FAM9B: variants seen among roughly 807,000 people sequenced by gnomAD.
FAM9B encodes family with sequence similarity 9 member B.
In FAM9B, 18 loss-of-function variants were observed where a neutral mutation model predicts 16.6. The ratio of observed to expected loss-of-function variants is 1.09; its 90% CI spans 0.75 to 1.61. FAM9B has a LOEUF of 1.61. Among genes scored for constraint, FAM9B ranks in the 40% most tolerant of loss-of-function variants. The probability of loss-of-function intolerance (pLI) is 0.00; values close to 1 mark genes in which losing one functional copy is unlikely to be tolerated. For missense variants in FAM9B, 155 were observed against 136.0 expected (o/e 1.14, Z -0.70); for synonymous variants, 43 against 42.6 (o/e 1.01, Z -0.03).
chrX:9,028,021 A>C (rs778196478), intron 6 of FAM9B, 55 bp from the exon 7 acceptor site: 623 of 868,183 alleles, frequency 7.2e-4, no homozygotes, highest in Non-Finnish European at 1.0e-3. Context: ...AATACTTACA[A>C]AACATAATTC....
intron 7 of FAM9B, among the ~76,000 whole-genome samples, chrX:9,027,162 G>A (rs1920975130): frequency 8.9e-6 from 1 of 111,848 alleles, no homozygotes; most frequent in African/African-American, 3.2e-5. Flanking sequence ...ATAATCTGCT[G>A]GCTTTCCCAT....
Position 9,032,250 on chromosome X carries a change from C to T in FAM9B, c.150-89G>A. Reference sequence around the variant, plus strand: ...AAAGAAATGTCTTATGTGAAATGTTCTGCATAGAATAGAACAGTGATGACA... The same window carrying T: ...AAAGAAATGTCTTATGTGAAATGTTTTGCATAGAATAGAACAGTGATGACA... On this transcript the variant is annotated intron_variant, in intron 3 of 8. Transcript: ENST00000327220. 3 of 1,196,771 alleles carry T rather than the reference C, an allele frequency of 2.5e-6. No individual in the cohort carries two copies. In the East Asian group the frequency reaches 8.9e-5, roughly 35 times the overall value.
intron 7 of FAM9B, among the ~76,000 whole-genome samples, chrX:9,026,379 G>A (rs1442517399): frequency 9.0e-6 from 1 of 111,148 alleles, no homozygotes; most frequent in Non-Finnish European, 1.9e-5. Flanking sequence ...AGAAGTGGGA[G>A]GAAAGACAGA....
At chrX:9,033,504 T>C (rs1921155656) in intron 1 of FAM9B, 1 of 498,639 alleles carries the variant, frequency 2.0e-6, no homozygotes, top group African/African-American at 2.7e-5. Context: ...ACCCCAAGTG[T>C]CCTGTCCTGT....
Position 9,027,959 on chromosome X carries a change from A to G in FAM9B, c.401T>C (p.Phe134Ser). The change falls in exon 7 of 9, where the codon TTT (phenylalanine) becomes TCT (serine). Residue 134 changes from phenylalanine (F) to serine (S), a missense_variant. Physicochemically the swap from Phe to Ser is radical, Grantham distance 155. Transcript: ENST00000327220. ...EGEEEELIRI[F>S]QEQQKKWQQY... ...TTGCCACTTCTTCTGTTGTTCTTGA[A>G]ATATTCTCTAGAATCCCAAAACAAA... 8.4e-7 allele frequency: 1 copy of G among 1,196,062 alleles called. No homozygotes were observed. The highest frequency in any genetic ancestry group is 1.8e-5 in the South Asian group (1 of 56,147).
rs762439867 is a variant in FAM9B, at chrX:9,027,985, A to T, written c.394-19T>A. 2.7e-5 allele frequency: 30 copies of T among 1,111,188 alleles called. No individual in the cohort carries two copies. The highest frequency in any genetic ancestry group is 3.7e-5 in the Non-Finnish European group (30 of 807,204). The allele number at this position is 1,111,188 out of a possible 1,213,427, so 91.6% of individuals were successfully genotyped here. ...ATATTCTCTAGAATCCCAAAACAAA[A>T]TAGTGATAAAAATTGGGTAAATTTT... On this transcript the variant is annotated intron_variant, in intron 6 of 8. Coordinates refer to ENST00000327220, the MANE Select transcript of FAM9B (RefSeq NM_205849.3).
chrX:9,032,032 T>C, intron 4 of FAM9B, 98 bp downstream of exon 4: 1 of 767,719 alleles, frequency 1.3e-6, no homozygotes, highest in South Asian at 2.8e-5. Context: ...AGAAGCCATT[T>C]AAGACAGTCT....
intron 1 of FAM9B, chrX:9,033,363 T>C: frequency 3.0e-6 from 3 of 1,003,990 alleles, no homozygotes; most frequent in South Asian, 3.5e-5. Context: ...CTGAGTCACC[T>C]AGCGACCCCA....
At chrX:9,031,976 T>G in intron 4 of FAM9B, 154 bp downstream of exon 4, 1 of 449,093 alleles carries the variant, frequency 2.2e-6, no homozygotes, top group Non-Finnish European at 3.6e-6. Context: ...TAAGAAAAAT[T>G]TATCAAATAG....
Position 9,032,330 on chromosome X carries a change from A to C in FAM9B, c.149+11T>G, listed in dbSNP as rs917262179. ...CCTATCCGACAGGCAAAAGTGACTT[A>C]AACACTTTACCCCGTGTGTTCATCT... On this transcript the variant is annotated intron_variant, in intron 3 of 8. Transcript: ENST00000327220. The C allele has an allele frequency of 8.3e-7, 1 of 1,209,146 alleles. No homozygotes were observed. The highest frequency in any genetic ancestry group is 1.7e-5 in the African/African-American group (1 of 57,159).
chrX:9,029,153 G>A (rs947499207), intron 6 of FAM9B, among the ~76,000 whole-genome samples, 154 bp downstream of exon 6: 3 of 111,386 alleles, frequency 2.7e-5, no homozygotes, highest in Non-Finnish European at 5.6e-5. Context: ...CTAATGCTGC[G>A]TGGCAATTAT....
At position 9,027,880 on chromosome X, in the gene FAM9B, G is replaced by T. The variant is rs1192008682; in HGVS notation, c.480C>A (p.Asp160Glu). 90 of 1,206,112 alleles carry T rather than the reference G, an allele frequency of 7.5e-5. No individual in the cohort carries two copies. The highest frequency in any genetic ancestry group is 1.0e-4 in the Non-Finnish European group (89 of 891,980). Residue 160 changes from aspartate to glutamate, a missense_variant, in exon 7 of 9, where the codon GAC (aspartate) becomes GAA (glutamate). Asp to Glu is a conservative substitution (Grantham distance 45). Transcript: ENST00000327220. ...AAATAGAACAGACCTTTACGAATTG[G>T]TCACGTAGCAGCTTCATCTCTTTCA... The part of the protein sequence containing the change: ...ERLKEMKLLR[D>E]QFVKALEDFE...
At chrX:9,031,297 C>T (rs1304734981) in intron 4 of FAM9B, 3 of 111,432 alleles carry the variant, frequency 2.7e-5, no homozygotes, top group Non-Finnish European at 1.9e-5. Flanking sequence ...CAGAAATTTT[C>T]TCAAACTTTT....
At chrX:9,027,565 C>T (rs758215975) in intron 7 of FAM9B, among the ~76,000 whole-genome samples, 1 of 111,475 alleles carries the variant, frequency 9.0e-6, no homozygotes, top group South Asian at 3.7e-4. Flanking sequence ...AAATTTGCAA[C>T]CTCTGGCATA....
At chrX:9,033,791 C>T in intron 1 of FAM9B, 61 bp downstream of exon 1, 2 of 750,824 alleles carry the variant, frequency 2.7e-6, no homozygotes, top group South Asian at 1.4e-4. Context: ...CAGCGCTTCA[C>T]ACCCTGGTTC....
Position 9,027,943 on chromosome X carries a change from C to T in FAM9B, c.417G>A (p.Lys139=), listed in dbSNP as rs1387767616. 1 of 1,208,417 alleles carries T rather than the reference C, an allele frequency of 8.3e-7. No homozygotes were observed. Among genetic ancestry groups the T allele is most frequent in the East Asian group, 3.0e-5 (1 of 33,760 alleles). ...TAACACTTCTATATTGTTGCCACTTCTTCTGTTGTTCTTGAAATATTCTCT... is the reference window on the plus strand; with the variant it reads ...TAACACTTCTATATTGTTGCCACTTTTTCTGTTGTTCTTGAAATATTCTCT... ...ELIRIFQEQQ[K]KWQQYRSVRR... The change falls in exon 7 of 9, where the codon AAG becomes AAA. Residue 139 remains lysine (K), a synonymous_variant. Coordinates refer to ENST00000327220, the MANE Select transcript of FAM9B (RefSeq NM_205849.3).
rs1247002529 is a variant in FAM9B at position 9,024,618 on chromosome X, T to C, written c.*791A>G. 8.9e-6 allele frequency: 1 copy of C among 112,077 alleles called. No individual in the cohort carries two copies. Among genetic ancestry groups the C allele is most frequent in the South Asian group, 3.7e-4 (1 of 2,699 alleles). The allele number at this position is 112,077 out of a possible 1,213,427, so 9.2% of individuals were successfully genotyped here. A position where few individuals can be genotyped will look rare whatever the true frequency, so the allele number is the denominator to read the frequency against. The stretch of plus-strand genomic sequence containing the variant: ...CTATTTTTTGAAGTCCTACTTTCAT[T>C]GGAATTGCCTCTTTATCCTAATGAG... On this transcript the variant is annotated 3_prime_UTR_variant, in exon 9 of 9. Coordinates refer to ENST00000327220, the MANE Select transcript of FAM9B (RefSeq NM_205849.3).
At chrX:9,029,526 G>A (rs1265186806) in intron 5 of FAM9B, 108 bp from the exon 6 acceptor site, 17 of 466,061 alleles carry the variant, frequency 3.6e-5, no homozygotes, top group Non-Finnish European at 5.7e-5. Flanking sequence ...AGTAGCAAGG[G>A]AGTAATAGCA....
chrX:9,032,978 G>C lies in FAM9B; in HGVS notation c.9C>G (p.Ala3=). MA[A]WGKKHAGKDP... ...ATTTACCTGCATGCTTCTTCCCCCA[G>C]GCCGCCATAAATTGAGCCTCCAACT... Residue 3 remains alanine (A), a synonymous_variant, in exon 2 of 9, where the codon GCC becomes GCG. Transcript: ENST00000327220. 8.3e-7 allele frequency: 1 copy of C among 1,211,811 alleles called. No homozygotes were observed. The highest frequency in any genetic ancestry group is 1.8e-5 in the South Asian group (1 of 56,996).
Sources: gnomAD v4.1 joint callset for allele counts (sites outside exome capture counted in the v4.1 genomes callset) on GRCh38, gnomAD v4.1.1 for gene constraint, MANE v1.5 for transcripts, NCBI Gene and HGNC (gene_info 2026-07-23, HGNC 2026-07-21) for gene names.